RBPJ: variants seen among roughly 807,000 people sequenced by gnomAD.
The protein encoded by RBPJ is recombining binding protein suppressor of hairless.
A neutral mutation model predicts 67.8 loss-of-function variants in RBPJ; 9 were observed. The observed-to-expected ratio is 0.13, with a 90% confidence interval of 0.08 to 0.23. The LOEUF (loss-of-function observed/expected upper bound fraction) is 0.23. RBPJ is among the 10% of genes least tolerant of loss of function. The probability of loss-of-function intolerance (pLI) is 1.00; values close to 1 mark genes in which losing one functional copy is unlikely to be tolerated. For missense variants in RBPJ, 305 were observed against 595.6 expected (o/e 0.51, Z 5.08); for synonymous variants, 198 against 203.3 (o/e 0.97, Z 0.22).
At chr4:26,177,833 C>T (rs949974661) in intron 1 of RBPJ, among the ~76,000 whole-genome samples, 6 of 152,114 alleles carry the variant, frequency 3.9e-5, no homozygotes, top group African/African-American at 1.4e-4. Context: ...GGGATATAAC[C>T]TCTCCTAAAA....
intron 1 of RBPJ, among the ~76,000 whole-genome samples, chr4:26,353,278 A>G (rs1392838852): frequency 6.6e-6 from 1 of 152,276 alleles, no homozygotes; most frequent in Non-Finnish European, 1.5e-5. Context: ...CTGCCTATGC[A>G]GCAGATCACA....
upstream of RBPJ, among the ~76,000 whole-genome samples, chr4:26,315,167 A>AAAAAAATATAT (rs1325689348): frequency 4.5e-4 from 34 of 74,746 alleles, no homozygotes; most frequent in African/African-American, 1.6e-3. Context: ...AAAAAAAAAA[A>AAAAAAATATAT]ATATATATAT....
chr4:26,409,745 G>A (rs1020616849), intron 3 of RBPJ, among the ~76,000 whole-genome samples: 4 of 152,178 alleles, frequency 2.6e-5, no homozygotes, highest in East Asian at 3.9e-4. Context: ...TGATCTGCCC[G>A]CCTCTGCCTC....
chr4:26,161,643 G>A (rs1198762869), upstream of RBPJ, among the ~76,000 whole-genome samples: 3 of 152,306 alleles, frequency 2.0e-5, no homozygotes, highest in South Asian at 6.2e-4. Context: ...CCAGAAGTAG[G>A]TCACACAGAG....
chr4:26,217,543 T>C (rs1224219179), intron 1 of RBPJ, among the ~76,000 whole-genome samples: 1 of 152,152 alleles, frequency 6.6e-6, no homozygotes, highest in Non-Finnish European at 1.5e-5. Flanking sequence ...TTCTAGAATC[T>C]GAATGCCCAG....
At chr4:26,294,392 C>A (rs186610400) in intron 1 of RBPJ, among the ~76,000 whole-genome samples, 5 of 152,112 alleles carry the variant, frequency 3.3e-5, no homozygotes, top group Non-Finnish European at 5.9e-5. Flanking sequence ...CCATCACGCC[C>A]GGCTGGGAAG....
chr4:26,160,146 C>T (rs1304967570), upstream of RBPJ, among the ~76,000 whole-genome samples: 1 of 152,084 alleles, frequency 6.6e-6, no homozygotes, highest in African/African-American at 2.4e-5. Context: ...TCTCGATCTC[C>T]TGATCTCGTG....
chr4:26,210,924 T>C (rs926808533), intron 1 of RBPJ, among the ~76,000 whole-genome samples: 1 of 151,798 alleles, frequency 6.6e-6, no homozygotes, highest in Non-Finnish European at 1.5e-5. Flanking sequence ...CATTCTCCAC[T>C]TGGTTTTGTA....
At chr4:26,340,583 G>A (rs1725403750) in intron 1 of RBPJ, among the ~76,000 whole-genome samples, 2 of 152,110 alleles carry the variant, frequency 1.3e-5, no homozygotes, top group African/African-American at 2.4e-5. Flanking sequence ...ATTGGGGCCG[G>A]GCGGGGTAGC....
chr4:26,339,849 G>A (rs559599268), intron 1 of RBPJ, among the ~76,000 whole-genome samples: 2 of 152,218 alleles, frequency 1.3e-5, no homozygotes, highest in Non-Finnish European at 2.9e-5. Flanking sequence ...GTGAAACCCT[G>A]TGTCTACAAA....
chr4:26,259,832 A>G (rs1720469529), intron 1 of RBPJ, among the ~76,000 whole-genome samples: 1 of 152,184 alleles, frequency 6.6e-6, no homozygotes, highest in African/African-American at 2.4e-5. Flanking sequence ...CATCTTCAGT[A>G]TTATCTTAAT....
At chr4:26,223,245 T>C (rs1718975439) in intron 1 of RBPJ, among the ~76,000 whole-genome samples, 1 of 152,076 alleles carries the variant, frequency 6.6e-6, no homozygotes, top group Admixed American at 6.5e-5. Flanking sequence ...GGAATGAGGC[T>C]CACTGGCTTT....
At position 26,430,565 on chromosome 4, in the gene RBPJ, G is replaced by A; in HGVS notation, c.1148+43G>A. 6.5e-7 allele frequency: 1 copy of A among 1,541,182 alleles called. No individual in the cohort carries two copies. The highest frequency in any genetic ancestry group is 1.4e-5 in the African/African-American group (1 of 72,914). ...TTGCATCATCCAGAGGTTGTGAGGG[G>A]TGTGGGTACAGGAGATTCTTTCCTG... is the stretch of plus-strand genomic sequence containing the variant. On this transcript the variant is annotated intron_variant, in intron 10 of 10. Transcript: ENST00000355476. The surrounding 1 kb of genome is among the most constrained non-coding windows in gnomAD (Gnocchi z 4.1).
At chr4:26,304,853 G>A (rs773683823) in intron 1 of RBPJ, among the ~76,000 whole-genome samples, 10 of 150,028 alleles carry the variant, frequency 6.7e-5, no homozygotes, top group Non-Finnish European at 1.3e-4. Flanking sequence ...TTTTGATGAA[G>A]TCCAATTTAT....
At chr4:26,411,426 A>T (rs1734001268) in intron 3 of RBPJ, among the ~76,000 whole-genome samples, 1 of 151,994 alleles carries the variant, frequency 6.6e-6, no homozygotes, top group African/African-American at 2.4e-5. Context: ...AAGTATGGGC[A>T]ACAACTTGAT....
intron 5 of RBPJ, among the ~76,000 whole-genome samples, chr4:26,423,497 A>C (rs1319759062): frequency 6.6e-6 from 1 of 152,168 alleles, no homozygotes; most frequent in Non-Finnish European, 1.5e-5. Flanking sequence ...TAGAATGGTG[A>C]TCAGATTTAA....
At chr4:26,343,148 T>C (rs1330276323) in intron 1 of RBPJ, 1 of 152,192 alleles carries the variant, frequency 6.6e-6, no homozygotes, top group East Asian at 1.9e-4. Flanking sequence ...CTGTGTTTGT[T>C]ATTGTGAATC....
chr4:26,347,562 C>T (rs903687562), intron 1 of RBPJ, among the ~76,000 whole-genome samples: 2 of 152,086 alleles, frequency 1.3e-5, no homozygotes, highest in African/African-American at 4.8e-5. Flanking sequence ...TTTCAGAGAC[C>T]CTGGCAAGAA....
At chr4:26,429,871 T>C (rs1433055696) in intron 8 of RBPJ, 27 bp from the exon 9 acceptor site, 1 of 1,598,482 alleles carries the variant, frequency 6.3e-7, no homozygotes, top group South Asian at 1.1e-5. Flanking sequence ...GTATAAAACT[T>C]AGTTTCTAAA....
Sources: gnomAD v4.1 joint callset for allele counts (sites outside exome capture counted in the v4.1 genomes callset) on GRCh38, gnomAD v4.1.1 for gene constraint, Gnocchi (gnomAD v3.1) non-coding constraint, MANE v1.5 for transcripts, NCBI Gene and HGNC (gene_info 2026-07-23, HGNC 2026-07-21) for gene names.